The following CLDN19 variants were observed in gnomAD, a reference collection of about 807,000 sequenced individuals.
CLDN19 encodes the protein claudin-19.
Under a neutral mutation model 24.5 loss-of-function variants are expected in CLDN19, and 19 were observed. The observed-to-expected ratio is 0.78, with a 90% CI of 0.54 to 1.14. The LOEUF (loss-of-function observed/expected upper bound fraction) is 1.14. Ranked by LOEUF, CLDN19 falls within the 50% of genes most tolerant of loss-of-function variation. The pLI is 0.00. For synonymous variants in CLDN19, 117 were observed against 129.6 expected (o/e 0.90, Z 0.66); for missense variants, 250 against 295.9 (o/e 0.84, Z 1.14).
chr1:42,738,364 A>ACTGGGG (rs1399982624), intron 2 of CLDN19, 51 bp from the exon 3 acceptor site: 11 of 1,613,368 alleles, frequency 6.8e-6, no homozygotes, highest in Non-Finnish European at 7.6e-6. Flanking sequence ...CCCCGAGGCC[A>ACTGGGG]CTGGGGCTGG....
chr1:42,737,083 A>T (rs1303106587), intron 3 of CLDN19, among the ~76,000 whole-genome samples: 2 of 152,132 alleles, frequency 1.3e-5, no homozygotes, highest in African/African-American at 2.4e-5. Context: ...TAGGGTTAAG[A>T]CTGTCCCATT....
chr1:42,735,323 G>A (rs1425128711), intron 4 of CLDN19, 189 bp from the exon 5 acceptor site: 13 of 1,471,630 alleles, frequency 8.8e-6, no homozygotes, highest in Non-Finnish European at 1.2e-5. Flanking sequence ...TGTGTAGGTG[G>A]CCCCCAGCCC....
At chr1:42,736,141 C>T (rs370565761) in intron 3 of CLDN19, 111 bp from the exon 4 acceptor site, 30 of 674,762 alleles carry the variant, frequency 4.4e-5, no homozygotes, top group African/African-American at 4.2e-4. Context: ...GCTGGAGCCT[C>T]ACAACCTCTT....
chr1:42,737,004 G>A (rs145943540), intron 3 of CLDN19, among the ~76,000 whole-genome samples: 2 of 152,138 alleles, frequency 1.3e-5, no homozygotes, highest in African/African-American at 2.4e-5. Context: ...CATCCCTCCC[G>A]ATTGCAAAAG....
chr1:42,739,754 G>A (rs927494353), intron 1 of CLDN19, 87 bp downstream of exon 1: 12 of 1,099,754 alleles, frequency 1.1e-5, no homozygotes, highest in Admixed American at 3.9e-5. Context: ...GGAGCCCAGC[G>A]CAGATAGCAG....
At position 42,734,921 on chromosome 1, in the gene CLDN19, C is replaced by T. The variant is rs1330294458; in HGVS notation, c.*165G>A. 1.6e-6 allele frequency: 1 copy of T among 643,950 alleles called. No homozygotes were observed. The highest frequency in any genetic ancestry group is 1.8e-5 in the African/African-American group (1 of 54,778). 39.9% of individuals were successfully genotyped at this position (643,950 alleles called of 1,614,324 possible). A position where few individuals can be genotyped will look rare whatever the true frequency, so the allele number is the denominator to read the frequency against. ...TCCTCATCTTTCTGCCCAAGAGCCC[C>T]AGGGGTCAGCACTGACCACTCTGAC... On this transcript the variant is annotated 3_prime_UTR_variant, in exon 5 of 5. Coordinates refer to ENST00000296387, the MANE Select transcript of CLDN19 (RefSeq NM_148960.3).
In CLDN19 at chr1:42,735,869, C is replaced by T. The variant is rs1188616660; in HGVS notation, c.626+9G>A. The T allele has an allele frequency of 1.3e-6, 2 of 1,573,466 alleles. No individual in the cohort carries two copies. Among genetic ancestry groups the T allele is most frequent in the African/African-American group, 2.7e-5 (2 of 74,232 alleles). On this transcript the variant is annotated intron_variant, in intron 4 of 4. Coordinates refer to ENST00000296387, the MANE Select transcript of CLDN19 (RefSeq NM_148960.3). The stretch of plus-strand genomic sequence containing the variant: ...GGGGCTGGCCAGGGCAGGCGGAGCT[C>T]AGACGTACTCTCGGGCAGCAGCAGA...
At chr1:42,738,691 C>G in intron 1 of CLDN19, 106 bp from the exon 2 acceptor site, 1 of 1,137,156 alleles carries the variant, frequency 8.8e-7, no homozygotes, top group Non-Finnish European at 1.3e-6. Context: ...TGAGCAGGAG[C>G]TGGCCTGGGG....
At chr1:42,737,728 A>G (rs1651415008) in intron 3 of CLDN19, among the ~76,000 whole-genome samples, 1 of 152,166 alleles carries the variant, frequency 6.6e-6, no homozygotes, top group South Asian at 2.1e-4. Context: ...TGTCACCCAG[A>G]CTGGAGTGCA....
chr1:42,735,903 G>T lies in CLDN19; in HGVS notation c.601C>A (p.Pro201Thr), dbSNP rs1333791679. 1.3e-6 allele frequency: 2 copies of T among 1,580,250 alleles called. No homozygotes were observed. The highest frequency in any genetic ancestry group is 1.7e-6 in the Non-Finnish European group (2 of 1,162,870). ...TCTCGGGCAGCAGCAGAGGGTCCAG[G>T]CCGATAGGGCTGTGGGCTGCTGTTG... ...RPNSSPQPYR[P>T]GPSAAAREPV... The change falls in exon 4 of 5, where the codon CCT (proline) becomes ACT (threonine). Residue 201 changes from proline (P) to threonine (T), a missense_variant. Physicochemically the swap from Pro to Thr is conservative, Grantham distance 38. Transcript: ENST00000296387.
At position 42,734,980 on chromosome 1, in the gene CLDN19, C is replaced by G. The variant is rs550521995; in HGVS notation, c.*106G>C. On this transcript the variant is annotated 3_prime_UTR_variant, in exon 5 of 5. Coordinates refer to ENST00000296387, the MANE Select transcript of CLDN19 (RefSeq NM_148960.3). ...CGTCCAAGCCACGCTGAGGACAGAC[C>G]GAATGATACCATGATTGGGGCTGGA... is the stretch of plus-strand genomic sequence containing the variant. 5.5e-5 allele frequency: 53 copies of G among 960,900 alleles called. No individual in the cohort carries two copies. The African/African-American group carries it at 6.6e-4, about 12-fold the overall frequency. The allele number at this position is 960,900 out of a possible 1,614,324, so 59.5% of individuals were successfully genotyped here.
chr1:42,740,010 C>A lies in CLDN19; in HGVS notation c.54G>T (p.Trp18Cys). Reference protein sequence around the residue: ...LLGYFLALGGWVGIIASTALP... With the variant: ...LLGYFLALGGCVGIIASTALP... ...GGGCTGTGCTAGCAATGATGCCCAC[C>A]CAGCCACCCAGGGCCAAGAAGTAGC... Residue 18 changes from tryptophan to cysteine, a missense_variant, in exon 1 of 5, where the codon TGG becomes TGT. Coordinates refer to ENST00000296387, the MANE Select transcript of CLDN19 (RefSeq NM_148960.3). 6.4e-7 allele frequency: 1 copy of A among 1,574,498 alleles called. No individual in the cohort carries two copies. Among genetic ancestry groups the A allele is most frequent in the Non-Finnish European group, 8.6e-7 (1 of 1,159,596 alleles).
chr1:42,735,292 C>A, intron 4 of CLDN19, 158 bp from the exon 5 acceptor site: 1 of 1,518,104 alleles, frequency 6.6e-7, no homozygotes, highest in Non-Finnish European at 8.8e-7. Flanking sequence ...GGCAGGGGCG[C>A]CATGGTCCGA....
intron 4 of CLDN19, chr1:42,735,474 A>C (rs781433880): frequency 1.1e-5 from 16 of 1,412,050 alleles, no homozygotes; most frequent in Non-Finnish European, 1.5e-5. Context: ...TGCTCACCCC[A>C]AGGACCTGGG....
intron 1 of CLDN19, 51 bp from the exon 2 acceptor site, chr1:42,738,636 G>A (rs1249040660): frequency 3.2e-6 from 5 of 1,584,016 alleles, no homozygotes; most frequent in Non-Finnish European, 4.3e-6. Context: ...TGGGGGTTGG[G>A]TCGGTGCCTG....
rs757804403 is a variant in CLDN19 at position 42,738,257 on chromosome 1, A to G, written c.445T>C (p.Phe149Leu). ...WYATLVTQEF[F>L]NPSTPVNARY... The stretch of plus-strand genomic sequence containing the variant: ...GCATTGACAGGTGTGCTTGGGTTGA[A>G]GAACTCCTGGGTCACCAGGGTGGCA... Residue 149 changes from phenylalanine (F) to leucine (L), a missense_variant, in exon 3 of 5, where the codon TTC becomes CTC. By Grantham distance (22) the Phe-to-Leu change is conservative. Transcript: ENST00000296387. 6.2e-7 allele frequency: 1 copy of G among 1,613,900 alleles called. No individual in the cohort carries two copies. Among genetic ancestry groups the G allele is most frequent in the East Asian group, 2.2e-5 (1 of 44,878 alleles).
In CLDN19 at chr1:42,734,522, A is replaced by G. The variant is rs958183930; in HGVS notation, c.*564T>C. On this transcript the variant is annotated 3_prime_UTR_variant, in exon 5 of 5. Transcript: ENST00000296387. ...TGCAAGCTCCTAACGCCCTCCCCAC[A>G]TTCCCTTTTCTACATGGGGAGCTCC... is the stretch of plus-strand genomic sequence containing the variant. 127 of 155,314 alleles carry G rather than the reference A, an allele frequency of 8.2e-4. No homozygotes were observed. The highest frequency in any genetic ancestry group is 3.0e-3 in the African/African-American group (123 of 41,546). 9.6% of individuals were successfully genotyped at this position (155,314 alleles called of 1,614,324 possible).
rs1330521485 is a variant in CLDN19 at position 42,735,957 on chromosome 1, A to G, written c.547T>C (p.Cys183Arg). The change falls in exon 4 of 5, where the codon TGC (cysteine) becomes CGC (arginine). Residue 183 changes from cysteine (C) to arginine (R), a missense_variant. Cys to Arg is a radical substitution (Grantham distance 180, BLOSUM62 -3). Transcript: ENST00000296387. Reference sequence around the variant, plus strand: ...CTCTCTGGCTCCGGGCATGTGCAGCAGAGGAAGGAGCCGCCCAGCACGGCC... The same window carrying G: ...CTCTCTGGCTCCGGGCATGTGCAGCGGAGGAAGGAGCCGCCCAGCACGGCC... The part of the protein sequence containing the change: ...GLAVLGGSFL[C>R]CTCPEPERPN... 6.3e-7 allele frequency: 1 copy of G among 1,577,002 alleles called. No homozygotes were observed. The highest frequency in any genetic ancestry group is 8.6e-7 in the Non-Finnish European group (1 of 1,161,590).
At chr1:42,736,940 G>T (rs1334938582) in intron 3 of CLDN19, among the ~76,000 whole-genome samples, 1 of 152,140 alleles carries the variant, frequency 6.6e-6, no homozygotes, top group African/African-American at 2.4e-5. Flanking sequence ...AACAAACCTT[G>T]TACCTGAGAT....
Sources: gnomAD v4.1 joint callset for allele counts (sites outside exome capture counted in the v4.1 genomes callset) on GRCh38, gnomAD v4.1.1 for gene constraint, MANE v1.5 for transcripts, NCBI Gene and HGNC (gene_info 2026-07-23, HGNC 2026-07-21) for gene names.